The following RABGAP1L variants were observed in gnomAD, a reference collection of about 807,000 sequenced individuals.
RABGAP1L encodes RAB GTPase activating protein 1 like.
A neutral mutation model predicts 137.7 loss-of-function variants in RABGAP1L; 63 were observed. The ratio of observed to expected loss-of-function variants is 0.46; its 90% CI spans 0.37 to 0.56. The LOEUF is 0.56. Among genes scored for constraint, RABGAP1L ranks in the 20% least tolerant of loss-of-function variants. The pLI is 0.00. For synonymous variants in RABGAP1L, 431 were observed against 433.7 expected (o/e 0.99, Z 0.08); for missense variants, 1,095 against 1,244.0 (o/e 0.88, Z 1.80).
intron 13 of RABGAP1L, among the ~76,000 whole-genome samples, chr1:174,405,366 G>T (rs1649137564): frequency 6.6e-6 from 1 of 152,060 alleles, no homozygotes; most frequent in Admixed American, 6.6e-5. Flanking sequence ...TTTATTGAGA[G>T]TCAGAGCATC....
chr1:174,406,008 A>G (rs977131757), intron 13 of RABGAP1L, among the ~76,000 whole-genome samples: 2 of 152,100 alleles, frequency 1.3e-5, no homozygotes, highest in African/African-American at 4.8e-5. Flanking sequence ...GAAAAAAGAA[A>G]GAGAAACTAA....
intron 1 of RABGAP1L, among the ~76,000 whole-genome samples, chr1:174,188,039 C>T (rs550457205): frequency 6.6e-6 from 1 of 152,106 alleles, no homozygotes; most frequent in Non-Finnish European, 1.5e-5. Flanking sequence ...TCTTTAATCC[C>T]ACTTTTGTTT....
At chr1:174,843,085 G>A (rs920158801) in intron 19 of RABGAP1L, among the ~76,000 whole-genome samples, 20 of 151,868 alleles carry the variant, frequency 1.3e-4, no homozygotes, top group Middle Eastern at 3.4e-3. Flanking sequence ...ATAAATCCTC[G>A]ATACTTCTTA....
intron 1 of RABGAP1L, among the ~76,000 whole-genome samples, chr1:174,195,398 C>G (rs538177125): frequency 6.6e-6 from 1 of 152,024 alleles, no homozygotes; most frequent in South Asian, 2.1e-4. Flanking sequence ...TAATTTTTCC[C>G]TATATACTCA....
intron 13 of RABGAP1L, among the ~76,000 whole-genome samples, chr1:174,612,782 T>C (rs1037857702): frequency 6.6e-6 from 1 of 152,250 alleles, no homozygotes; most frequent in Non-Finnish European, 1.5e-5. Context: ...GGTTTAGTCT[T>C]GGGAGAGTGT....
At chr1:174,522,522 A>G (rs1663505151) in intron 13 of RABGAP1L, among the ~76,000 whole-genome samples, 1 of 152,096 alleles carries the variant, frequency 6.6e-6, no homozygotes. Flanking sequence ...TCTAGAAAAG[A>G]AAAGAAAAAA....
chr1:174,859,469 C>G (rs925747036), intron 19 of RABGAP1L, among the ~76,000 whole-genome samples: 1 of 89,832 alleles, frequency 1.1e-5, no homozygotes, highest in African/African-American at 4.6e-5. Flanking sequence ...GGAGACAGAG[C>G]GAGACTCCAT....
intron 19 of RABGAP1L, among the ~76,000 whole-genome samples, chr1:174,893,319 G>A (rs1173433115): frequency 6.6e-6 from 1 of 152,144 alleles, no homozygotes; most frequent in African/African-American, 2.4e-5. Flanking sequence ...GGCTTAGCCT[G>A]GCTGTGCGTG....
intron 15 of RABGAP1L, among the ~76,000 whole-genome samples, chr1:174,691,951 T>C (rs1186893269): frequency 1.3e-5 from 2 of 152,160 alleles, no homozygotes; most frequent in African/African-American, 4.8e-5. Context: ...TTATGCCGAT[T>C]GAGGGATAAG....
intron 11 of RABGAP1L, among the ~76,000 whole-genome samples, chr1:174,349,842 G>C (rs532209785): frequency 9.1e-5 from 12 of 132,502 alleles, no homozygotes; most frequent in East Asian, 5.0e-4. Flanking sequence ...CAGACGGGGC[G>C]GCTGGCCGGG....
intron 13 of RABGAP1L, among the ~76,000 whole-genome samples, chr1:174,632,966 G>A (rs1250912223): frequency 1.3e-5 from 2 of 152,094 alleles, no homozygotes; most frequent in East Asian, 1.9e-4. Flanking sequence ...GAGGAGAGGC[G>A]CTCTGCGTTT....
At chr1:174,771,072 A>G (rs893603131) in intron 18 of RABGAP1L, among the ~76,000 whole-genome samples, 1 of 152,240 alleles carries the variant, frequency 6.6e-6, no homozygotes, top group Non-Finnish European at 1.5e-5. Flanking sequence ...TAACCTGAGA[A>G]TAGGACATGA....
chr1:174,732,421 G>C (rs1165934288), intron 17 of RABGAP1L, among the ~76,000 whole-genome samples: 1 of 152,114 alleles, frequency 6.6e-6, no homozygotes, highest in Non-Finnish European at 1.5e-5. Context: ...GTAGACTGTG[G>C]TATTTGGACC....
intron 19 of RABGAP1L, among the ~76,000 whole-genome samples, chr1:174,824,331 A>T (rs1036839828): frequency 1.3e-5 from 2 of 151,604 alleles, no homozygotes; most frequent in African/African-American, 4.8e-5. Flanking sequence ...ATCTATATAT[A>T]TATTAGTACA....
At chr1:174,628,856 A>G (rs1673110012) in intron 13 of RABGAP1L, among the ~76,000 whole-genome samples, 1 of 152,184 alleles carries the variant, frequency 6.6e-6, no homozygotes. Flanking sequence ...GCCCGTGCAT[A>G]TATGGGAATC....
At chr1:174,656,021 A>G (rs1675940783) in intron 14 of RABGAP1L, among the ~76,000 whole-genome samples, 1 of 152,204 alleles carries the variant, frequency 6.6e-6, no homozygotes, top group African/African-American at 2.4e-5. Flanking sequence ...TAGAGTTGTC[A>G]TTGCTTACAA....
At chr1:174,384,500 C>T (rs1041307930) in intron 12 of RABGAP1L, among the ~76,000 whole-genome samples, 11 of 139,578 alleles carry the variant, frequency 7.9e-5, no homozygotes, top group African/African-American at 2.9e-4. Context: ...AGAATAGTGT[C>T]ACTAAACCAA....
Position 174,548,272 on chromosome 1 carries a change from T to A in RABGAP1L, c.1711-89103T>A, listed in dbSNP as rs1481718816. ...AAGATTCTGTTTTTAAACTCTTTGC[T>A]ATATAACATTAGTTAAGTTGTTTAC... is the stretch of plus-strand genomic sequence containing the variant. On this transcript the variant is annotated intron_variant, in intron 13 of 25. Coordinates refer to ENST00000681986, the MANE Select transcript of RABGAP1L (RefSeq NM_001366446.1). The A allele has an allele frequency of 2.2e-6, 3 of 1,348,376 alleles. No homozygotes were observed. The African/African-American group carries it at 4.4e-5, about 20-fold the overall frequency. The allele number at this position is 1,348,376 out of a possible 1,614,324, so 83.5% of individuals were successfully genotyped here. A position where few individuals can be genotyped will look rare whatever the true frequency, so the allele number is the denominator to read the frequency against.
intron 11 of RABGAP1L, among the ~76,000 whole-genome samples, chr1:174,330,026 A>G (rs1680890547): frequency 6.6e-6 from 1 of 152,138 alleles, no homozygotes; most frequent in South Asian, 2.1e-4. Context: ...ACTGCTATTC[A>G]ATATAGTCCT....
Sources: gnomAD v4.1 joint callset for allele counts (sites outside exome capture counted in the v4.1 genomes callset) on GRCh38, gnomAD v4.1.1 for gene constraint, MANE v1.5 for transcripts, NCBI Gene and HGNC (gene_info 2026-07-23, HGNC 2026-07-21) for gene names.